CFAP54: variants seen among roughly 807,000 people sequenced by gnomAD.
The protein encoded by CFAP54 is cilia- and flagella-associated protein 54.
A neutral mutation model predicts 370.4 loss-of-function variants in CFAP54; 290 were observed. That is an observed-to-expected ratio of 0.78 (90% CI 0.71 to 0.86). The LOEUF (loss-of-function observed/expected upper bound fraction) is 0.86. Among genes scored for constraint, CFAP54 ranks in the 40% least tolerant of loss-of-function variants. The pLI is 0.00. For missense variants in CFAP54, 3,399 were observed against 3,528.7 expected, an observed-to-expected ratio of 0.96 and a Z score of 0.93; for synonymous variants, 1,206 against 1,236.5, an observed-to-expected ratio of 0.98 and a Z score of 0.52.
At chr12:96,573,994 T>C (rs530491924) in intron 19 of CFAP54, among the ~76,000 whole-genome samples, 1 of 152,362 alleles carries the variant, frequency 6.6e-6, no homozygotes, top group Admixed American at 6.5e-5. Context: ...TTAATCACGA[T>C]TAATGATTTT....
In CFAP54 at chr12:96,782,663, A is replaced by C. The variant is rs546615793; in HGVS notation, c.8282-2054A>C. On this transcript the variant is annotated intron_variant, in intron 60 of 67. Coordinates refer to ENST00000524981, the MANE Select transcript of CFAP54 (RefSeq NM_001306084.2). ...GTATTGACAAATGCCAAGTATTCTA[A>C]AAATGATTGATAGATTTAATGTAGT... is the stretch of plus-strand genomic sequence containing the variant. Among the ~76,000 whole-genome samples the C allele has an allele frequency of 2.0e-5, 3 of 152,288 alleles. No individual in the cohort carries two copies. The South Asian group carries it at 6.2e-4, about 32-fold the overall frequency.
intron 66 of CFAP54, among the ~76,000 whole-genome samples, chr12:96,858,484 C>G (rs769576568): frequency 1.3e-5 from 2 of 152,178 alleles, no homozygotes; most frequent in Non-Finnish European, 2.9e-5. Context: ...TGCAGAAGCT[C>G]TTAAGTTTAA....
At chr12:96,656,381 T>C (rs1403065908) in intron 36 of CFAP54, among the ~76,000 whole-genome samples, 4 of 148,686 alleles carry the variant, frequency 2.7e-5, no homozygotes, top group Admixed American at 6.7e-5. Flanking sequence ...ATCAGCTTTG[T>C]TGGTTTTTTT....
chr12:96,499,947 A>AAAAACAAAACAAAACAAAAC (rs147160957), intron 1 of CFAP54, among the ~76,000 whole-genome samples: 44 of 148,802 alleles, frequency 3.0e-4, no homozygotes, highest in Middle Eastern at 3.4e-3. Flanking sequence ...ACTCCATCTC[A>AAAAACAAAACAAAACAAAAC]AAAACAAAAC....
chr12:96,656,978 G>A (rs1208398115), intron 36 of CFAP54, among the ~76,000 whole-genome samples: 1 of 152,194 alleles, frequency 6.6e-6, no homozygotes, highest in African/African-American at 2.4e-5. Context: ...CTTCAGGTGT[G>A]CATACTGCAT....
chr12:96,649,078 A>G (rs1315371499), intron 34 of CFAP54, among the ~76,000 whole-genome samples: 1 of 152,192 alleles, frequency 6.6e-6, no homozygotes, highest in African/African-American at 2.4e-5. Context: ...ACTTTTAGTA[A>G]TGACATTTTA....
intron 45 of CFAP54, among the ~76,000 whole-genome samples, chr12:96,699,516 A>G (rs1335723420): frequency 1.3e-5 from 2 of 152,176 alleles, no homozygotes; most frequent in Non-Finnish European, 2.9e-5. Flanking sequence ...GAAAATTAGT[A>G]GTTGTCTCTA....
intron 62 of CFAP54, among the ~76,000 whole-genome samples, chr12:96,788,320 A>T (rs1427989641): frequency 6.6e-6 from 1 of 152,190 alleles, no homozygotes; most frequent in African/African-American, 2.4e-5. Flanking sequence ...TGCTTCGTAG[A>T]TACAGAATTT....
intron 39 of CFAP54, among the ~76,000 whole-genome samples, chr12:96,669,763 A>G (rs1957123030): frequency 6.6e-6 from 1 of 152,198 alleles, no homozygotes; most frequent in Non-Finnish European, 1.5e-5. Context: ...AGAGCTATCC[A>G]GTGTATGGTT....
At chr12:96,671,837 A>G (rs1364257017) in intron 39 of CFAP54, among the ~76,000 whole-genome samples, 1 of 151,948 alleles carries the variant, frequency 6.6e-6, no homozygotes, top group African/African-American at 2.4e-5. Context: ...AAGGAGAATC[A>G]CTTGAACCCA....
At chr12:96,675,345 C>G (rs1957193957) in intron 39 of CFAP54, among the ~76,000 whole-genome samples, 1 of 152,190 alleles carries the variant, frequency 6.6e-6, no homozygotes, top group Admixed American at 6.5e-5. Flanking sequence ...AAATGCTCAT[C>G]ATCACTGGCC....
At chr12:96,544,286 G>A (rs916530406) in intron 14 of CFAP54, among the ~76,000 whole-genome samples, 2 of 152,100 alleles carry the variant, frequency 1.3e-5, no homozygotes, top group African/African-American at 4.8e-5. Flanking sequence ...TTAAAGAGTG[G>A]CTTTTTGTCC....
At position 96,764,633 on chromosome 12, in the gene CFAP54, GA is replaced by G. The variant is rs942836939; in HGVS notation, c.8139+393del. Among the ~76,000 whole-genome samples the G allele has an allele frequency of 4.0e-5, 6 of 151,134 alleles. No individual in the cohort carries two copies. In the South Asian group the frequency reaches 6.3e-4, roughly 16 times the overall value. ...GAGATCCTGTCTCAAAAGAAAAAAA[GA>G]AAAAAAAATTACATTATTTGGGATT... On this transcript the variant is annotated intron_variant, in intron 59 of 67. Transcript: ENST00000524981.
In CFAP54 at chr12:96,499,989, A is replaced by AAAAT. The variant is rs538130637; in HGVS notation, c.318-844_318-843insAATA. Reference sequence around the variant, plus strand: ...AAACAAAACAAAACAAAACAAAAAAAACCGTGCGCATCAGTATTTCTAGCA... The same window carrying AAAAT: ...AAACAAAACAAAACAAAACAAAAAAAAAATACCGTGCGCATCAGTATTTCTAGCA... On this transcript the variant is annotated intron_variant, in intron 1 of 67. Transcript: ENST00000524981. Among the ~76,000 whole-genome samples, 1,082 of 151,964 alleles carry AAAAT rather than the reference A, an allele frequency of 7.1e-3. 7 individuals carry two copies. Among genetic ancestry groups the AAAAT allele is most frequent in the Non-Finnish European group, 0.011 (731 of 67,974 alleles).
chr12:96,658,167 TTAAC>T (rs765736928), intron 37 of CFAP54, 40 bp from the exon 38 acceptor site: 10 of 1,584,804 alleles, frequency 6.3e-6, no homozygotes, highest in Non-Finnish European at 1.7e-6. Flanking sequence ...AAAAAGTCTT[TTAAC>T]TAATGTTTTC....
chr12:96,732,245 C>T (rs1957929674), intron 50 of CFAP54, among the ~76,000 whole-genome samples: 1 of 152,270 alleles, frequency 6.6e-6, no homozygotes, highest in South Asian at 2.1e-4. Context: ...CCTGTCTCAG[C>T]TTCCCGAGTA....
intron 26 of CFAP54, among the ~76,000 whole-genome samples, chr12:96,607,987 A>G (rs1956318026): frequency 6.6e-6 from 1 of 152,184 alleles, no homozygotes; most frequent in South Asian, 2.1e-4. Flanking sequence ...TGAGGAAAAC[A>G]CTTGAGGAAA....
chr12:96,549,174 A>G (rs190575194), intron 15 of CFAP54, among the ~76,000 whole-genome samples: 50 of 152,094 alleles, frequency 3.3e-4, no homozygotes, highest in African/African-American at 1.2e-3. Flanking sequence ...ATTTTTAAGG[A>G]CATTAGAGTT....
In CFAP54 at chr12:96,663,888, C is replaced by T; in HGVS notation, c.5519C>T (p.Ala1840Val). The change falls in exon 39 of 68, where the codon GCA becomes GTA. Residue 1840 changes from alanine (A) to valine (V), a missense_variant. Transcript: ENST00000524981. Reference protein sequence around the residue: ...QLKINSSTIEATSNCTDLLKM... With the variant: ...QLKINSSTIEVTSNCTDLLKM... ...AAGATTAATTCTTCAACCATTGAAG[C>T]AACAAGCAACTGCACAGATTTGCTA... The T allele has an allele frequency of 3.7e-6, 6 of 1,613,258 alleles. No homozygotes were observed. The highest frequency in any genetic ancestry group is 5.1e-6 in the Non-Finnish European group (6 of 1,179,570).
Sources: gnomAD v4.1 joint callset for allele counts (sites outside exome capture counted in the v4.1 genomes callset) on GRCh38, gnomAD v4.1.1 for gene constraint, MANE v1.5 for transcripts, NCBI Gene and HGNC (gene_info 2026-07-23, HGNC 2026-07-21) for gene names.